Variants in UBOX5 observed in about 807,000 individuals in gnomAD.
The protein encoded by UBOX5 is RING finger protein 37.
Under a neutral mutation model 39.0 loss-of-function variants are expected in UBOX5, and 28 were observed. That is an observed-to-expected ratio of 0.72 (90% CI 0.53 to 0.98). The LOEUF is 0.98. Among genes scored for constraint, UBOX5 ranks in the 50% least tolerant of loss-of-function variants. UBOX5 has a pLI of 0.00. For synonymous variants in UBOX5, 283 were observed against 275.5 expected (o/e 1.03, Z -0.27); for missense variants, 585 against 674.4 (o/e 0.87, Z 1.47).
At chr20:3,156,642 C>T (rs150351956) in intron 1 of UBOX5, 1,951 of 152,420 alleles carry the variant, frequency 0.013, 18 homozygotes, top group Middle Eastern at 0.057. Flanking sequence ...AATGCCCAAA[C>T]CTCCCTGAAT....
At chr20:3,134,364 T>C (rs2066452934) in intron 1 of UBOX5, among the ~76,000 whole-genome samples, 1 of 152,108 alleles carries the variant, frequency 6.6e-6, no homozygotes, top group Admixed American at 6.6e-5. Context: ...ATAAACATTC[T>C]CTACAAATCT....
chr20:3,148,342 C>T (rs114807917), intron 1 of UBOX5: 1 of 1,614,124 alleles, frequency 6.2e-7, no homozygotes, highest in Admixed American at 1.7e-5. Context: ...CCAAAAGGAG[C>T]TGATCCATAT....
At chr20:3,129,474 T>C (rs1215160672) in intron 1 of UBOX5, among the ~76,000 whole-genome samples, 2 of 152,146 alleles carry the variant, frequency 1.3e-5, no homozygotes, top group African/African-American at 4.8e-5. Context: ...CTCTAAAATA[T>C]ACCACTCCAT....
At position 3,110,765 on chromosome 20, in the gene UBOX5, A is replaced by G. The variant is rs141193590; in HGVS notation, c.1418-451T>C. The G allele has an allele frequency of 7.0e-5, 14 of 199,156 alleles. No homozygotes were observed. The East Asian group carries it at 1.6e-3, about 23-fold the overall frequency. The allele number at this position is 199,156 out of a possible 1,614,324, so 12.3% of individuals were successfully genotyped here. ...GTAATCCCAGCATTTTGGGAGGTTG[A>G]GACAGGAGGATCACTTGAAGCCAGG... is the stretch of plus-strand genomic sequence containing the variant. On this transcript the variant is annotated intron_variant, in intron 4 of 4. Coordinates refer to ENST00000217173, the MANE Select transcript of UBOX5 (RefSeq NM_014948.4).
intron 1 of UBOX5, among the ~76,000 whole-genome samples, chr20:3,129,026 C>G (rs1168035346): frequency 2.0e-5 from 3 of 152,186 alleles, no homozygotes. Flanking sequence ...CTTCCCACCT[C>G]TGTGTGGAAG....
At chr20:3,143,110 T>C (rs2066532140) in intron 1 of UBOX5, among the ~76,000 whole-genome samples, 2 of 140,804 alleles carry the variant, frequency 1.4e-5, no homozygotes, top group Admixed American at 7.2e-5. Flanking sequence ...TTTTTTTTTT[T>C]TTTTTTTTTT....
At position 3,121,527 on chromosome 20, in the gene UBOX5, T is replaced by A. The variant is rs998446735; in HGVS notation, c.1112A>T (p.His371Leu). 38 of 1,613,430 alleles carry A rather than the reference T, an allele frequency of 2.4e-5. No individual in the cohort carries two copies. The highest frequency in any genetic ancestry group is 3.2e-5 in the Non-Finnish European group (38 of 1,179,794). ...SQKRKIEQAE[H>L]VPDSNFGVNA... is the part of the protein sequence containing the mutation. Reference sequence around the variant, plus strand: ...TACACCAAAGTTACTGTCTGGGACATGTTCAGCCTGCTCTATCTTCCTTTT... The same window carrying A: ...TACACCAAAGTTACTGTCTGGGACAAGTTCAGCCTGCTCTATCTTCCTTTT... The change falls in exon 3 of 5, where the codon CAT (histidine) becomes CTT (leucine). Residue 371 changes from histidine to leucine, a missense_variant. Physicochemically the swap from His to Leu is moderately conservative, Grantham distance 99. Transcript: ENST00000217173.
chr20:3,155,539 A>C (rs2066675190), intron 1 of UBOX5, among the ~76,000 whole-genome samples: 1 of 152,194 alleles, frequency 6.6e-6, no homozygotes, highest in Non-Finnish European at 1.5e-5. Context: ...TCAAAAAAAA[A>C]AAGTGGGTCG....
chr20:3,120,983 A>G (rs1180438698), intron 3 of UBOX5, among the ~76,000 whole-genome samples: 1 of 152,140 alleles, frequency 6.6e-6, no homozygotes, highest in Non-Finnish European at 1.5e-5. Flanking sequence ...GCACCAGAAG[A>G]GATTCTCTGC....
intron 1 of UBOX5, among the ~76,000 whole-genome samples, chr20:3,144,630 TCAA>T (rs111313505): frequency 0.012 from 1,784 of 152,276 alleles, 38 homozygotes; most frequent in African/African-American, 0.041. Context: ...AAATTGGGCT[TCAA>T]CAAAATTAAA....
At chr20:3,138,290 AGT>A (rs931878246) in intron 1 of UBOX5, among the ~76,000 whole-genome samples, 5 of 151,058 alleles carry the variant, frequency 3.3e-5, no homozygotes, top group African/African-American at 1.2e-4. Context: ...AAAAAAAAAA[AGT>A]ATTATGAAAG....
At chr20:3,140,124 C>T (rs755442654) in intron 1 of UBOX5, among the ~76,000 whole-genome samples, 7 of 147,732 alleles carry the variant, frequency 4.7e-5, no homozygotes, top group East Asian at 2.0e-4. Context: ...TGGGCTCAAG[C>T]GATTGTCCTG....
rs2066335380 is a variant in UBOX5, at chr20:3,121,508, A to G, written c.1131T>C (p.Phe377=). The change falls in exon 3 of 5, where the codon TTT becomes TTC. Residue 377 remains phenylalanine, a synonymous_variant. Coordinates refer to ENST00000217173, the MANE Select transcript of UBOX5 (RefSeq NM_014948.4). ...EQAEHVPDSN[F]GVNASCFSAT... ...CAGAAAAACAGGAAGCATTTACACC[A>G]AAGTTACTGTCTGGGACATGTTCAG... 1 of 1,613,960 alleles carries G rather than the reference A, an allele frequency of 6.2e-7. No homozygotes were observed. The highest frequency in any genetic ancestry group is 8.5e-7 in the Non-Finnish European group (1 of 1,180,018).
At position 3,149,175 on chromosome 20, in the gene UBOX5, G is replaced by A. The variant is rs999396697; in HGVS notation, c.-42+10591C>T. ...TGCTTGATTAGAGCTGGACGGGGAG[G>A]TGTTCCACAAAAACTGCCTGGAAAT... On this transcript the variant is annotated intron_variant, in intron 1 of 4. Coordinates refer to ENST00000217173, the MANE Select transcript of UBOX5 (RefSeq NM_014948.4). The surrounding 1 kb of genome is among the most constrained non-coding windows in gnomAD (Gnocchi z 4.1). 10 of 1,300,040 alleles carry A rather than the reference G, an allele frequency of 7.7e-6. No homozygotes were observed. The African/African-American group carries it at 1.5e-4, about 19-fold the overall frequency. The allele number at this position is 1,300,040 out of a possible 1,614,324, so 80.5% of individuals were successfully genotyped here.
At chr20:3,131,880 CA>C (rs749445999) in intron 1 of UBOX5, among the ~76,000 whole-genome samples, 5 of 151,748 alleles carry the variant, frequency 3.3e-5, no homozygotes, top group Admixed American at 6.6e-5. Context: ...AGGTGGCGGG[CA>C]CCTGTAATCC....
At position 3,115,614 on chromosome 20, in the gene UBOX5, T is replaced by C. The variant is rs893507873; in HGVS notation, c.1256-148A>G. On this transcript the variant is annotated intron_variant, in intron 3 of 4. Coordinates refer to ENST00000217173, the MANE Select transcript of UBOX5 (RefSeq NM_014948.4). The stretch of plus-strand genomic sequence containing the variant: ...CATCCTAATGTCTACTGGCGGACCA[T>C]GACAGAACACCGGGAGGTAAAGCCC... 1.4e-5 allele frequency: 13 copies of C among 926,576 alleles called. No individual in the cohort carries two copies. The South Asian group carries it at 1.8e-4, about 13-fold the overall frequency. 57.4% of individuals were successfully genotyped at this position (926,576 alleles called of 1,614,324 possible).
chr20:3,147,498 A>G, intron 1 of UBOX5: 3 of 1,614,206 alleles, frequency 1.9e-6, no homozygotes, highest in Non-Finnish European at 2.5e-6. Flanking sequence ...TAATCTGGAC[A>G]CTCAATGCCA....
chr20:3,143,944 C>T (rs986185826), intron 1 of UBOX5, among the ~76,000 whole-genome samples: 3 of 151,870 alleles, frequency 2.0e-5, no homozygotes, highest in African/African-American at 7.3e-5. Flanking sequence ...GGTGACAGAG[C>T]GAGACCCTAT....
chr20:3,158,554 C>A lies in UBOX5; in HGVS notation c.-42+1212G>T, dbSNP rs567526270. 1.4e-3 allele frequency among the ~76,000 whole-genome samples: 219 copies of A among 152,236 alleles called. 1 individual carries two copies. The highest frequency in any genetic ancestry group is 4.9e-3 in the African/African-American group (202 of 41,548). ...AGTGGCGCGATCTCGGCTCACTGCACACTCCGCCTCCCGGGGTTCACGCCA... is the reference window on the plus strand; with the variant it reads ...AGTGGCGCGATCTCGGCTCACTGCAAACTCCGCCTCCCGGGGTTCACGCCA... On this transcript the variant is annotated intron_variant, in intron 1 of 4. Transcript: ENST00000217173.
Sources: allele counts gnomAD v4.1 joint callset (sites outside exome capture counted in the v4.1 genomes callset), GRCh38; gene constraint gnomAD v4.1.1; non-coding constraint Gnocchi (gnomAD v3.1); transcripts MANE v1.5; gene names NCBI Gene and HGNC (gene_info 2026-07-23, HGNC 2026-07-21).